PLEKHH2: variants seen among roughly 807,000 people sequenced by gnomAD.
PLEKHH2 encodes pleckstrin homology, MyTH4 and FERM domain containing H2.
A neutral mutation model predicts 187.9 loss-of-function variants in PLEKHH2; 129 were observed. The ratio of observed to expected loss-of-function variants is 0.69; its 90% CI spans 0.59 to 0.79. The LOEUF is 0.79. PLEKHH2 is among the 30% of genes least tolerant of loss of function. The probability of loss-of-function intolerance (pLI) is 0.00; values close to 1 mark genes in which losing one functional copy is unlikely to be tolerated. For synonymous variants in PLEKHH2, 686 were observed against 605.6 expected (o/e 1.13, Z -1.95); for missense variants, 2,076 against 1,751.2 (o/e 1.19, Z -3.31).
At chr2:43,648,176 T>G (rs186617081) in intron 2 of PLEKHH2, among the ~76,000 whole-genome samples, 44 of 151,698 alleles carry the variant, frequency 2.9e-4, no homozygotes, top group Admixed American at 1.3e-3. Context: ...GTCTTTCTGG[T>G]TTTTTTTGTT....
At chr2:43,665,457 A>G (rs1319368624) in intron 2 of PLEKHH2, among the ~76,000 whole-genome samples, 2 of 117,722 alleles carry the variant, frequency 1.7e-5, no homozygotes, top group African/African-American at 7.2e-5. Flanking sequence ...ATCGTCTGAA[A>G]CCTTCTTCTC....
rs975358490 is a variant in PLEKHH2 at position 43,738,189 on chromosome 2, G to A, written c.2944-152G>A. 10 of 571,052 alleles carry A rather than the reference G, an allele frequency of 1.8e-5. 1 individual carries two copies. Among genetic ancestry groups the A allele is most frequent in the Non-Finnish European group, 2.5e-5 (9 of 354,908 alleles). The allele number at this position is 571,052 out of a possible 1,614,324, so 35.4% of individuals were successfully genotyped here. On this transcript the variant is annotated intron_variant, in intron 19 of 29. Transcript: ENST00000282406. Reference sequence around the variant, plus strand: ...CTGCTTTGTCTGCTATTATTGTGGCGATTCCAGATTTCTTTTGATTAGTGT... The same window carrying A: ...CTGCTTTGTCTGCTATTATTGTGGCAATTCCAGATTTCTTTTGATTAGTGT...
chr2:43,707,085 A>G (rs1182676771), intron 10 of PLEKHH2, among the ~76,000 whole-genome samples: 2 of 150,980 alleles, frequency 1.3e-5, no homozygotes, highest in African/African-American at 2.4e-5. Flanking sequence ...AATCCCAGCT[A>G]CTCAGGAGGC....
chr2:43,740,910 C>T (rs201368663), intron 20 of PLEKHH2, 36 bp from the exon 21 acceptor site: 54 of 1,605,642 alleles, frequency 3.4e-5, no homozygotes, highest in South Asian at 2.6e-4. Context: ...CTGACTGGCA[C>T]GTGGTATCTA....
At chr2:43,667,201 T>C (rs1667261020) in intron 2 of PLEKHH2, among the ~76,000 whole-genome samples, 1 of 152,204 alleles carries the variant, frequency 6.6e-6, no homozygotes, top group Non-Finnish European at 1.5e-5. Context: ...TAGTATCATT[T>C]GTTGAAAAGA....
intron 1 of PLEKHH2, among the ~76,000 whole-genome samples, chr2:43,641,607 C>T (rs932777812): frequency 2.0e-5 from 3 of 152,090 alleles, no homozygotes; most frequent in African/African-American, 4.8e-5. Flanking sequence ...AGATTGGACA[C>T]CCCTGGTTTA....
chr2:43,743,592 A>G (rs1303053910), intron 22 of PLEKHH2, among the ~76,000 whole-genome samples: 1 of 152,178 alleles, frequency 6.6e-6, no homozygotes, highest in Admixed American at 6.5e-5. Flanking sequence ...CTGTCAACTG[A>G]TCATTCTATT....
At position 43,743,697 on chromosome 2, in the gene PLEKHH2, T is replaced by C. The variant is rs537580484; in HGVS notation, c.3400-137T>C. The C allele has an allele frequency of 1.7e-5, 14 of 829,026 alleles. 1 individual carries two copies. In the South Asian group the frequency reaches 4.6e-4, roughly 27 times the overall value. 51.4% of individuals were successfully genotyped at this position (829,026 alleles called of 1,614,324 possible). A position where few individuals can be genotyped will look rare whatever the true frequency, so the allele number is the denominator to read the frequency against. On this transcript the variant is annotated intron_variant, in intron 22 of 29. Transcript: ENST00000282406. The stretch of plus-strand genomic sequence containing the variant: ...TTGTTAATTTTCTCCAGAGGAGCTT[T>C]GGGAAAAAAAGTTGAAGCACCTAGA...
chr2:43,654,417 G>A (rs1011524950), intron 2 of PLEKHH2, among the ~76,000 whole-genome samples: 7 of 151,810 alleles, frequency 4.6e-5, no homozygotes, highest in African/African-American at 9.7e-5. Flanking sequence ...GGATGGTCTC[G>A]ATCTCTTGAC....
chr2:43,756,035 C>T (rs578088312), intron 25 of PLEKHH2, among the ~76,000 whole-genome samples: 1 of 152,304 alleles, frequency 6.6e-6, no homozygotes. Flanking sequence ...GATCTGAACT[C>T]TGCCTGCCCC....
intron 29 of PLEKHH2, 42 bp downstream of exon 29, chr2:43,764,407 T>G (rs1363795873): frequency 6.3e-7 from 1 of 1,591,452 alleles, no homozygotes; most frequent in East Asian, 2.3e-5. Context: ...TCCTAGTTGT[T>G]TTCACTTAGT....
At chr2:43,716,109 C>T (rs1017501997) in intron 15 of PLEKHH2, among the ~76,000 whole-genome samples, 4 of 152,050 alleles carry the variant, frequency 2.6e-5, no homozygotes, top group Admixed American at 2.0e-4. Context: ...CTATACCTTT[C>T]AGTATGTTAG....
intron 16 of PLEKHH2, among the ~76,000 whole-genome samples, chr2:43,721,145 C>T (rs955720934): frequency 3.9e-5 from 6 of 152,072 alleles, no homozygotes; most frequent in African/African-American, 4.8e-5. Context: ...CTCAAATTCC[C>T]GAATACCGCT....
Position 43,706,461 on chromosome 2 carries a change from A to C in PLEKHH2, c.1821+45A>C, listed in dbSNP as rs536763897. ...GTTAAAACATGTGCTTCTCTTCATG[A>C]TGGATCAAGGAAATTGTTAATTCAA... On this transcript the variant is annotated intron_variant, in intron 10 of 29. Coordinates refer to ENST00000282406, the MANE Select transcript of PLEKHH2 (RefSeq NM_172069.4). 78 of 1,331,752 alleles carry C rather than the reference A, an allele frequency of 5.9e-5. No individual in the cohort carries two copies. The East Asian group carries it at 6.0e-4, about 10-fold the overall frequency. 82.5% of individuals were successfully genotyped at this position (1,331,752 alleles called of 1,614,324 possible).
Position 43,743,848 on chromosome 2 carries a change from C to T in PLEKHH2, c.3414C>T (p.Asp1138=), listed in dbSNP as rs147503034. The change falls in exon 23 of 30, where the codon GAC becomes GAT. Residue 1138 remains aspartate (D), a synonymous_variant. Coordinates refer to ENST00000282406, the MANE Select transcript of PLEKHH2 (RefSeq NM_172069.4). ...MNGIYQVVGF[D]ASTTVEEFLN... The stretch of plus-strand genomic sequence containing the variant: ...TTTCTGTCTAGGTAGTTGGTTTTGA[C>T]GCATCTACCACAGTGGAAGAATTTT... 1.4e-4 allele frequency: 231 copies of T among 1,612,478 alleles called. No individual in the cohort carries two copies. The highest frequency in any genetic ancestry group is 1.8e-4 in the Non-Finnish European group (212 of 1,178,992).
At position 43,742,863 on chromosome 2, in the gene PLEKHH2, A is replaced by G; in HGVS notation, c.3344A>G (p.Tyr1115Cys). The change falls in exon 22 of 30, where the codon TAT (tyrosine) becomes TGT (cysteine). Residue 1115 changes from tyrosine to cysteine, a missense_variant. Tyr to Cys is a radical substitution (Grantham distance 194). Coordinates refer to ENST00000282406, the MANE Select transcript of PLEKHH2 (RefSeq NM_172069.4). ...EILSTLLRNP[Y>C]HHSLPFSIPV... The stretch of plus-strand genomic sequence containing the variant: ...CTTTCAACTCTTCTCCGAAACCCTT[A>G]TCACCATTCTTTGCCCTTTAGTATA... 6.2e-7 allele frequency: 1 copy of G among 1,608,276 alleles called. No homozygotes were observed. The highest frequency in any genetic ancestry group is 8.5e-7 in the Non-Finnish European group (1 of 1,177,980).
Position 43,729,669 on chromosome 2 carries a change from T to G in PLEKHH2, c.2754T>G (p.Ala918=). 5 of 1,608,660 alleles carry G rather than the reference T, an allele frequency of 3.1e-6. No homozygotes were observed. The South Asian group carries it at 5.6e-5, about 18-fold the overall frequency. Residue 918 remains alanine (A), a synonymous_variant, in exon 18 of 30, where the codon GCT becomes GCG. Coordinates refer to ENST00000282406, the MANE Select transcript of PLEKHH2 (RefSeq NM_172069.4). The part of the protein sequence containing the change: ...DTWLYHLTVA[A]GSNNVNVGSE... The stretch of plus-strand genomic sequence containing the variant: ...GGCTTTATCATCTGACTGTTGCAGC[T>G]GGAAGCAACAATGTAAACGTTGGAT...
rs149301613 is a variant in PLEKHH2 at position 43,710,059 on chromosome 2, C to A, written c.2036C>A (p.Thr679Lys). The A allele has an allele frequency of 1.9e-6, 3 of 1,612,074 alleles. No individual in the cohort carries two copies. The highest frequency in any genetic ancestry group is 1.7e-6 in the Non-Finnish European group (2 of 1,178,326). ...AIPPDAYSTD[T>K]EYSQPEQKLP... ...CCTCCTGATGCTTACTCCACAGACA[C>A]GGAGTACTCACAGCCAGAGCAGAAG... Residue 679 changes from threonine (T) to lysine (K), a missense_variant, in exon 12 of 30, where the codon ACG (threonine) becomes AAG (lysine). By Grantham distance (78) the Thr-to-Lys change is moderately conservative. Transcript: ENST00000282406.
At chr2:43,760,457 G>A (rs1672381674) in intron 27 of PLEKHH2, among the ~76,000 whole-genome samples, 1 of 146,042 alleles carries the variant, frequency 6.8e-6, no homozygotes, top group Admixed American at 7.1e-5. Flanking sequence ...CCGCCTCCCA[G>A]GTTCAAGCGA....
Sources: gnomAD v4.1 joint callset for allele counts (sites outside exome capture counted in the v4.1 genomes callset) on GRCh38, gnomAD v4.1.1 for gene constraint, MANE v1.5 for transcripts, NCBI Gene and HGNC (gene_info 2026-07-23, HGNC 2026-07-21) for gene names.